The following ZNF519 variants were observed in gnomAD, a reference collection of about 807,000 sequenced individuals.
ZNF519 encodes the protein similar to Zinc finger protein 85 (Zinc finger protein HPF4) (HTF1).
ZNF519 carries 7 observed loss-of-function variants against 7.4 expected under a neutral mutation model. That is an observed-to-expected ratio of 0.94 (90% CI 0.54 to 1.77). The LOEUF (loss-of-function observed/expected upper bound fraction) is 1.77. Among genes scored for constraint, ZNF519 ranks in the 40% most tolerant of loss-of-function variants. ZNF519 has a pLI of 0.00. For synonymous variants in ZNF519, 179 were observed against 203.3 expected (o/e 0.88, Z 1.02); for missense variants, 586 against 623.1 (o/e 0.94, Z 0.63).
chr18:14,093,790 C>T (rs1598511156), intron 2 of ZNF519, among the ~76,000 whole-genome samples: 3 of 152,324 alleles, frequency 2.0e-5, no homozygotes, highest in South Asian at 4.1e-4. Context: ...AATTGTCTGA[C>T]TGTGACTGGC....
intron 2 of ZNF519, among the ~76,000 whole-genome samples, chr18:14,123,737 T>A (rs1739201329): frequency 6.6e-6 from 1 of 151,860 alleles, no homozygotes; most frequent in Non-Finnish European, 1.5e-5. Flanking sequence ...AATAAATAAA[T>A]AAGTGGTACA....
intron 3 of ZNF519, chr18:14,083,036 A>G (rs1249847050): frequency 6.6e-6 from 1 of 152,154 alleles, no homozygotes; most frequent in Non-Finnish European, 1.5e-5. Context: ...AATTGCATAC[A>G]TACAAAATTT....
chr18:14,128,080 G>C (rs964771116), intron 1 of ZNF519, among the ~76,000 whole-genome samples: 22 of 151,952 alleles, frequency 1.4e-4, no homozygotes, highest in African/African-American at 4.6e-4. Context: ...ACGAGGTCAG[G>C]AGATCGAGAC....
Position 14,105,529 on chromosome 18 carries a change from T to C in ZNF519, c.1011A>G (p.Gln337=). The C allele has an allele frequency of 2.5e-6, 4 of 1,614,044 alleles. No individual in the cohort carries two copies. Among genetic ancestry groups the C allele is most frequent in the Non-Finnish European group, 3.4e-6 (4 of 1,179,994 alleles). ...TCTCTCCAGTATGGATTCTCTGATGTTGAGTAAGGTATGAGCCTCTGTTAA... is the reference window on the plus strand; with the variant it reads ...TCTCTCCAGTATGGATTCTCTGATGCTGAGTAAGGTATGAGCCTCTGTTAA... ...KAFNRGSYLT[Q]HQRIHTGERA... is the part of the protein sequence containing the mutation. Residue 337 remains glutamine, a synonymous_variant, in exon 3 of 3, where the codon CAA becomes CAG. Transcript: ENST00000590202.
chr18:14,079,475 A>G (rs2046061840), intron 3 of ZNF519, among the ~76,000 whole-genome samples: 1 of 152,240 alleles, frequency 6.6e-6, no homozygotes, highest in African/African-American at 2.4e-5. Flanking sequence ...GGAAAAGAAT[A>G]AAATTGGAGG....
At chr18:14,124,275 C>G in intron 2 of ZNF519, 75 bp downstream of exon 2, 1 of 1,409,240 alleles carries the variant, frequency 7.1e-7, no homozygotes, top group East Asian at 2.5e-5. Context: ...CAGAAGCTCT[C>G]AAGAGACAGT....
Position 14,100,517 on chromosome 18 carries a change from A to G in ZNF519, c.*4400T>C, listed in dbSNP as rs1176193175. On this transcript the variant is annotated 3_prime_UTR_variant, in exon 3 of 3. Transcript: ENST00000590202. ...TAACAAAAGGAACAAACTAAAACAT[A>G]AACCAATTTAGATGAATCTCCAAGG... 1.3e-5 allele frequency: 2 copies of G among 152,224 alleles called. No homozygotes were observed. The highest frequency in any genetic ancestry group is 4.8e-5 in the African/African-American group (2 of 41,454). The allele number at this position is 152,224 out of a possible 1,614,324, so 9.4% of individuals were successfully genotyped here.
intron 3 of ZNF519, chr18:14,080,094 G>C (rs1252759097): frequency 1.3e-5 from 2 of 151,786 alleles, no homozygotes; most frequent in Non-Finnish European, 2.9e-5. Context: ...CACCAAAGAA[G>C]ACACACAGAT....
intron 1 of ZNF519, among the ~76,000 whole-genome samples, chr18:14,127,012 T>A (rs1207361506): frequency 2.0e-5 from 3 of 152,114 alleles, no homozygotes; most frequent in Admixed American, 6.5e-5. Flanking sequence ...GAGCAACAGA[T>A]CCCGAATCTA....
chr18:14,077,968 G>C (rs1407907207), intron 4 of ZNF519, among the ~76,000 whole-genome samples: 1 of 152,150 alleles, frequency 6.6e-6, no homozygotes, highest in Non-Finnish European at 1.5e-5. Context: ...TCCATGGATG[G>C]GAAGACAATT....
intron 2 of ZNF519, among the ~76,000 whole-genome samples, chr18:14,121,386 G>A (rs1337663234): frequency 2.6e-5 from 4 of 151,904 alleles, no homozygotes; most frequent in Non-Finnish European, 4.4e-5. Flanking sequence ...GGTAATAGAT[G>A]TGTTCATCAA....
chr18:14,099,347 T>C (rs948816190), downstream of ZNF519, among the ~76,000 whole-genome samples: 1 of 152,180 alleles, frequency 6.6e-6, no homozygotes, highest in Non-Finnish European at 1.5e-5. Flanking sequence ...AACTAGTATA[T>C]TTGCTCTGTG....
intron 2 of ZNF519, among the ~76,000 whole-genome samples, chr18:14,093,591 A>C (rs1391339729): frequency 6.6e-6 from 1 of 152,268 alleles, no homozygotes; most frequent in Non-Finnish European, 1.5e-5. Flanking sequence ...TTAATTGAGC[A>C]AAGAACAATT....
intron 2 of ZNF519, among the ~76,000 whole-genome samples, chr18:14,123,378 A>T (rs983589104): frequency 6.6e-6 from 1 of 152,170 alleles, no homozygotes; most frequent in Admixed American, 6.5e-5. Context: ...AAGTATTTTA[A>T]ATCTGCGGGT....
At position 14,118,021 on chromosome 18, in the gene ZNF519, G is replaced by A. The variant is rs565589809; in HGVS notation, c.130+6329C>T. Among the ~76,000 whole-genome samples the A allele has an allele frequency of 2.6e-5, 4 of 152,244 alleles. No individual in the cohort carries two copies. The East Asian group carries it at 7.7e-4, about 29-fold the overall frequency. On this transcript the variant is annotated intron_variant, in intron 2 of 2. Transcript: ENST00000590202. Reference sequence around the variant, plus strand: ...TGAAAAAACGCAAATGTTCTTCAATGAATAGGTAATTTTTAAAGATGTGCC... The same window carrying A: ...TGAAAAAACGCAAATGTTCTTCAATAAATAGGTAATTTTTAAAGATGTGCC...
chr18:14,100,340 T>C lies in ZNF519; in HGVS notation c.*4577A>G, dbSNP rs2046154726. On this transcript the variant is annotated 3_prime_UTR_variant, in exon 3 of 3. Transcript: ENST00000590202. ...AATATTTTCCAGAGTAATGAAAACA[T>C]GTATTCATATGAAACCTAGTACATG... 2 of 152,112 alleles carry C rather than the reference T, an allele frequency of 1.3e-5. No individual in the cohort carries two copies. The highest frequency in any genetic ancestry group is 1.3e-4 in the Admixed American group (2 of 15,260). The allele number at this position is 152,112 out of a possible 1,614,324, so 9.4% of individuals were successfully genotyped here. A position where few individuals can be genotyped will look rare whatever the true frequency, so the allele number is the denominator to read the frequency against.
In ZNF519 at chr18:14,124,349, C is replaced by T. The variant is rs932092048; in HGVS notation, c.130+1G>A. 6.2e-7 allele frequency: 1 copy of T among 1,601,620 alleles called. No individual in the cohort carries two copies. The highest frequency in any genetic ancestry group is 8.5e-7 in the Non-Finnish European group (1 of 1,177,190). On this transcript the variant is annotated splice_donor_variant, in intron 2 of 2. Transcript: ENST00000590202. LOFTEE classifies it high-confidence loss of function. The stretch of plus-strand genomic sequence containing the variant: ...GAATTATGTATTGAAGTTATTCTCA[C>T]CCAGGGAGACGAGGTTTCTGTAGTT...
intron 2 of ZNF519, among the ~76,000 whole-genome samples, chr18:14,120,742 A>C (rs911039389): frequency 5.9e-5 from 9 of 152,222 alleles, no homozygotes; most frequent in Admixed American, 5.9e-4. Flanking sequence ...TCCCCAAAGA[A>C]GACATACATA....
At chr18:14,123,198 GA>G in intron 2 of ZNF519, 1 of 213,862 alleles carries the variant, frequency 4.7e-6, no homozygotes, top group Middle Eastern at 6.5e-4. Flanking sequence ...TCTGGTTAGA[GA>G]TAGCAACACT....
Sources: allele counts gnomAD v4.1 joint callset (sites outside exome capture counted in the v4.1 genomes callset), GRCh38; gene constraint gnomAD v4.1.1; transcripts MANE v1.5; gene names NCBI Gene and HGNC (gene_info 2026-07-23, HGNC 2026-07-21).